The following NCK1 variants were observed in gnomAD, a reference collection of about 807,000 sequenced individuals.
NCK1 encodes NCK adaptor protein 1.
Under a neutral mutation model 36.6 loss-of-function variants are expected in NCK1, and 19 were observed. That is an observed-to-expected ratio of 0.52 (90% CI 0.36 to 0.76). The LOEUF is 0.76. Among genes scored for constraint, NCK1 ranks in the 30% least tolerant of loss-of-function variants. The probability of loss-of-function intolerance (pLI) is 0.00; values close to 1 mark genes in which losing one functional copy is unlikely to be tolerated. For missense variants in NCK1, 358 were observed against 445.6 expected, an observed-to-expected ratio of 0.80 and a Z score of 1.77; for synonymous variants, 165 against 156.0, an observed-to-expected ratio of 1.06 and a Z score of -0.43.
intron 1 of NCK1, among the ~76,000 whole-genome samples, chr3:136,918,056 G>T (rs1046643638): frequency 6.6e-6 from 1 of 152,078 alleles, no homozygotes; most frequent in African/African-American, 2.4e-5. Context: ...TTCAAGGCAG[G>T]CCGTTTGTTT....
chr3:136,904,296 G>A (rs1939624187), intron 1 of NCK1, among the ~76,000 whole-genome samples: 1 of 152,110 alleles, frequency 6.6e-6, no homozygotes, highest in Non-Finnish European at 1.5e-5. Context: ...GGGATTACAG[G>A]AATGTATCAC....
At chr3:136,912,375 G>T (rs1332720738) in intron 1 of NCK1, among the ~76,000 whole-genome samples, 1 of 151,814 alleles carries the variant, frequency 6.6e-6, no homozygotes, top group Admixed American at 6.6e-5. Context: ...GTTTGGCCAG[G>T]CTGGTAGCCA....
chr3:136,912,677 T>G (rs1241878580), intron 1 of NCK1, among the ~76,000 whole-genome samples: 1 of 151,848 alleles, frequency 6.6e-6, no homozygotes, highest in Non-Finnish European at 1.5e-5. Flanking sequence ...AGACAGGGTC[T>G]CAGTTTGTCA....
At chr3:136,923,387 C>G (rs995309827) in intron 1 of NCK1, among the ~76,000 whole-genome samples, 1 of 151,954 alleles carries the variant, frequency 6.6e-6, no homozygotes, top group Admixed American at 6.6e-5. Context: ...AACCCCGTCT[C>G]CACTAAAAAT....
At chr3:136,865,051 C>T (rs1456921618) in intron 1 of NCK1, among the ~76,000 whole-genome samples, 3 of 151,958 alleles carry the variant, frequency 2.0e-5, no homozygotes, top group Admixed American at 6.6e-5. Flanking sequence ...CTCTGCCTGC[C>T]GGGTTCAAGC....
At chr3:136,936,055 T>C (rs1940521931) in intron 2 of NCK1, among the ~76,000 whole-genome samples, 1 of 148,510 alleles carries the variant, frequency 6.7e-6, no homozygotes, top group Non-Finnish European at 1.5e-5. Flanking sequence ...TTTTTTTTTT[T>C]TCTGAGACAG....
intron 1 of NCK1, among the ~76,000 whole-genome samples, chr3:136,916,756 T>C (rs1576975808): frequency 6.6e-6 from 1 of 152,158 alleles, no homozygotes; most frequent in Admixed American, 6.5e-5. Flanking sequence ...ACAGTTTGTT[T>C]AGTTCAAAAA....
intron 1 of NCK1, among the ~76,000 whole-genome samples, chr3:136,921,870 G>A (rs1338316219): frequency 3.9e-5 from 6 of 152,174 alleles, no homozygotes; most frequent in Admixed American, 6.5e-5. Context: ...TGCAGTCTCC[G>A]CCTCCCAGAC....
chr3:136,863,196 A>G (rs1938298116), intron 1 of NCK1, among the ~76,000 whole-genome samples: 1 of 152,146 alleles, frequency 6.6e-6, no homozygotes, highest in Non-Finnish European at 1.5e-5. Context: ...ATTAGGAAAG[A>G]ATTAGGTTAA....
intron 1 of NCK1, among the ~76,000 whole-genome samples, chr3:136,870,387 A>G (rs976215669): frequency 6.6e-6 from 1 of 151,828 alleles, no homozygotes; most frequent in East Asian, 1.9e-4. Flanking sequence ...TTTAGCACGT[A>G]TTTTCATATG....
chr3:136,867,875 A>G (rs907768077), intron 1 of NCK1, among the ~76,000 whole-genome samples: 1 of 151,984 alleles, frequency 6.6e-6, no homozygotes, highest in Non-Finnish European at 1.5e-5. Flanking sequence ...GCCTTCTCAT[A>G]GATTGAAAAC....
chr3:136,908,761 T>G (rs1939754636), intron 1 of NCK1, among the ~76,000 whole-genome samples: 1 of 152,192 alleles, frequency 6.6e-6, no homozygotes, highest in African/African-American at 2.4e-5. Flanking sequence ...ATATTAAAAG[T>G]AGACAGCTAA....
chr3:136,926,909 C>T (rs1576982337), intron 1 of NCK1, among the ~76,000 whole-genome samples: 1 of 152,238 alleles, frequency 6.6e-6, no homozygotes, highest in East Asian at 1.9e-4. Context: ...CTGTATATGT[C>T]TATTAAATCA....
intron 1 of NCK1, among the ~76,000 whole-genome samples, chr3:136,889,482 T>C (rs1314971933): frequency 1.3e-5 from 2 of 152,072 alleles, no homozygotes; most frequent in Non-Finnish European, 2.9e-5. Context: ...GAGTAAGCAG[T>C]AGCAAGATTT....
chr3:136,884,921 A>G (rs1043400885), intron 1 of NCK1, among the ~76,000 whole-genome samples: 3 of 151,998 alleles, frequency 2.0e-5, no homozygotes, highest in African/African-American at 7.3e-5. Context: ...GTTTTTCACC[A>G]CGTTGGTCAG....
chr3:136,891,044 A>C (rs1276194570), intron 1 of NCK1, among the ~76,000 whole-genome samples: 1 of 152,216 alleles, frequency 6.6e-6, no homozygotes, highest in Non-Finnish European at 1.5e-5. Context: ...AGGTTTATTC[A>C]CATTGTAGCA....
intron 1 of NCK1, among the ~76,000 whole-genome samples, chr3:136,890,363 G>T (rs1010713094): frequency 6.6e-6 from 1 of 151,752 alleles, no homozygotes; most frequent in African/African-American, 2.4e-5. Flanking sequence ...CGCAGCCCCA[G>T]TTCCCGCTGG....
chr3:136,943,724 C>T (rs1193281289), intron 2 of NCK1, among the ~76,000 whole-genome samples: 1 of 152,070 alleles, frequency 6.6e-6, no homozygotes, highest in East Asian at 1.9e-4. Flanking sequence ...CGTTTTCTGC[C>T]CTCAGGAAGT....
At chr3:136,904,698 C>G (rs1939636401) in intron 1 of NCK1, among the ~76,000 whole-genome samples, 1 of 152,090 alleles carries the variant, frequency 6.6e-6, no homozygotes, top group African/African-American at 2.4e-5. Flanking sequence ...AAATCTGTTG[C>G]TAGACTTGGA....
Sources: allele counts gnomAD v4.1 joint callset (sites outside exome capture counted in the v4.1 genomes callset), GRCh38; gene constraint gnomAD v4.1.1; transcripts MANE v1.5; gene names NCBI Gene and HGNC (gene_info 2026-07-23, HGNC 2026-07-21).